Variants in REC114 observed in about 807,000 individuals in gnomAD.
The protein encoded by REC114 is meiotic recombination protein REC114.
REC114 carries 27 observed loss-of-function variants against 31.3 expected under a neutral mutation model. The ratio of observed to expected loss-of-function variants is 0.86; its 90% CI spans 0.64 to 1.19. The LOEUF (loss-of-function observed/expected upper bound fraction) is 1.19. Ranked by LOEUF, REC114 falls within the 50% of genes most tolerant of loss-of-function variation. The pLI, the probability that REC114 is intolerant of heterozygous loss-of-function variation, is 0.00. For missense variants in REC114, 344 were observed against 326.9 expected (o/e 1.05, Z -0.40); for synonymous variants, 134 against 127.7 (o/e 1.05, Z -0.33).
At chr15:73,461,270 G>A (rs953871847) in intron 1 of REC114, among the ~76,000 whole-genome samples, 2 of 152,030 alleles carry the variant, frequency 1.3e-5, no homozygotes, top group Non-Finnish European at 2.9e-5. Context: ...CTACAAGTTT[G>A]TTGAAATAAT....
At chr15:73,475,633 A>T (rs1333890046) in intron 2 of REC114, among the ~76,000 whole-genome samples, 4 of 152,250 alleles carry the variant, frequency 2.6e-5, no homozygotes, top group Admixed American at 2.0e-4. Flanking sequence ...GAAGTTTATA[A>T]TGTAAAAATG....
rs779886364 is a variant in REC114 at position 73,559,907 on chromosome 15, G to A, written c.792G>A (p.Leu264=). The change falls in exon 6 of 6, where the codon TTG becomes TTA. Residue 264 remains leucine (L), a synonymous_variant. Transcript: ENST00000331090. The part of the protein sequence containing the change: ...VEKELKKLAG[L]RN ...AGGAACTGAAAAAGCTGGCGGGTTT[G>A]AGAAATTAATGCTCTATATACATAT... 5 of 1,610,872 alleles carry A rather than the reference G, an allele frequency of 3.1e-6. No homozygotes were observed. In the South Asian group the frequency reaches 3.3e-5, roughly 11 times the overall value.
At chr15:73,504,540 C>A (rs1893649992) in intron 2 of REC114, among the ~76,000 whole-genome samples, 1 of 152,098 alleles carries the variant, frequency 6.6e-6, no homozygotes, top group South Asian at 2.1e-4. Context: ...CTCCTTCCTG[C>A]CCATATGATC....
intron 2 of REC114, among the ~76,000 whole-genome samples, chr15:73,509,844 G>C (rs1893736977): frequency 6.6e-6 from 1 of 152,030 alleles, no homozygotes; most frequent in South Asian, 2.1e-4. Flanking sequence ...GGTTACTGTA[G>C]CCCTGTAGTA....
At chr15:73,547,100 G>C (rs1894319970) in intron 3 of REC114, among the ~76,000 whole-genome samples, 1 of 152,036 alleles carries the variant, frequency 6.6e-6, no homozygotes, top group Non-Finnish European at 1.5e-5. Context: ...GCACAGCAAA[G>C]TGAAGAGACA....
intron 2 of REC114, among the ~76,000 whole-genome samples, chr15:73,523,066 A>G (rs1008210059): frequency 6.6e-6 from 1 of 152,134 alleles, no homozygotes; most frequent in Non-Finnish European, 1.5e-5. Context: ...CATTAGTATT[A>G]TCTTCCTTTG....
intron 2 of REC114, among the ~76,000 whole-genome samples, chr15:73,521,633 T>G (rs960810692): frequency 6.6e-6 from 1 of 152,032 alleles, no homozygotes; most frequent in African/African-American, 2.4e-5. Flanking sequence ...ATATTAGGAA[T>G]GAAAAGGGGG....
intron 3 of REC114, among the ~76,000 whole-genome samples, chr15:73,547,797 A>C (rs1280904701): frequency 6.6e-6 from 1 of 152,222 alleles, no homozygotes; most frequent in Non-Finnish European, 1.5e-5. Context: ...AGAGACTTAA[A>C]TGTAAAACCA....
At chr15:73,481,948 T>C (rs552695732) in intron 2 of REC114, among the ~76,000 whole-genome samples, 1 of 152,234 alleles carries the variant, frequency 6.6e-6, no homozygotes, top group Admixed American at 6.5e-5. Context: ...CGTGAGCCAC[T>C]GCGCCTGGCC....
intron 1 of REC114, among the ~76,000 whole-genome samples, chr15:73,445,480 A>G (rs1892752224): frequency 6.6e-6 from 1 of 152,170 alleles, no homozygotes; most frequent in Non-Finnish European, 1.5e-5. Context: ...CTTTGCATTT[A>G]CAACCTGGCT....
intron 2 of REC114, among the ~76,000 whole-genome samples, chr15:73,511,115 T>G (rs1427886207): frequency 6.6e-6 from 1 of 152,098 alleles, no homozygotes; most frequent in Non-Finnish European, 1.5e-5. Context: ...TTGCCACAAT[T>G]TCAGCTCCTG....
At chr15:73,545,990 T>G (rs967688986) in intron 3 of REC114, among the ~76,000 whole-genome samples, 1 of 152,194 alleles carries the variant, frequency 6.6e-6, no homozygotes, top group East Asian at 1.9e-4. Flanking sequence ...ATTGAATGTA[T>G]AGGTCTCTTA....
intron 2 of REC114, among the ~76,000 whole-genome samples, chr15:73,501,820 T>C (rs1893607561): frequency 6.6e-6 from 1 of 152,198 alleles, no homozygotes; most frequent in Non-Finnish European, 1.5e-5. Flanking sequence ...TTCTTGAGAA[T>C]AAATGTCTCA....
At chr15:73,559,144 G>A (rs142512161) in intron 5 of REC114, among the ~76,000 whole-genome samples, 1 of 152,332 alleles carries the variant, frequency 6.6e-6, no homozygotes, top group African/African-American at 2.4e-5. Context: ...GGGTTTGACG[G>A]TAATGGTTAG....
chr15:73,458,207 T>A (rs996573611), intron 1 of REC114, among the ~76,000 whole-genome samples: 1 of 152,208 alleles, frequency 6.6e-6, no homozygotes, highest in Non-Finnish European at 1.5e-5. Flanking sequence ...ACAAAGTATT[T>A]TCATAAACCT....
At chr15:73,458,442 G>GT (rs1424529822) in intron 1 of REC114, among the ~76,000 whole-genome samples, 1 of 152,166 alleles carries the variant, frequency 6.6e-6, no homozygotes, top group East Asian at 1.9e-4. Flanking sequence ...GTATCATCAA[G>GT]AGTTATTATC....
chr15:73,451,356 T>C (rs1425522885), intron 1 of REC114, among the ~76,000 whole-genome samples: 1 of 152,200 alleles, frequency 6.6e-6, no homozygotes, highest in Non-Finnish European at 1.5e-5. Context: ...TAAACACCTC[T>C]ACACAAATAA....
chr15:73,557,415 A>T (rs1233007402), intron 5 of REC114, among the ~76,000 whole-genome samples: 6 of 125,726 alleles, frequency 4.8e-5, no homozygotes, highest in Admixed American at 7.7e-5. Flanking sequence ...TCAGTAGTTT[A>T]AAAAAAAAAA....
At chr15:73,460,742 G>A (rs1014043225) in intron 1 of REC114, among the ~76,000 whole-genome samples, 3 of 152,118 alleles carry the variant, frequency 2.0e-5, no homozygotes, top group African/African-American at 4.8e-5. Flanking sequence ...AAACATGTGG[G>A]AGAAATGTTG....
Sources: allele counts gnomAD v4.1 joint callset (sites outside exome capture counted in the v4.1 genomes callset), GRCh38; gene constraint gnomAD v4.1.1; transcripts MANE v1.5; gene names NCBI Gene and HGNC (gene_info 2026-07-23, HGNC 2026-07-21).